ESR1: variants seen among roughly 807,000 people sequenced by gnomAD.
The protein encoded by ESR1 is estrogen receptor.
In ESR1, 12 loss-of-function variants were observed where a neutral mutation model predicts 52.7. That is an observed-to-expected ratio of 0.23 (90% CI 0.15 to 0.37). ESR1 has a LOEUF of 0.37. Ranked by LOEUF, ESR1 falls within the 10% of genes least tolerant of loss-of-function variation. The pLI is 1.00. For missense variants in ESR1, 584 were observed against 779.7 expected, an observed-to-expected ratio of 0.75 and a Z score of 2.99; for synonymous variants, 305 against 316.8, an observed-to-expected ratio of 0.96 and a Z score of 0.39.
intron 4 of ESR1, among the ~76,000 whole-genome samples, chr6:151,951,243 A>G (rs972252051): frequency 1.1e-4 from 16 of 151,970 alleles, no homozygotes; most frequent in Non-Finnish European, 1.9e-4. Flanking sequence ...TGGGGCTCCA[A>G]TGTCGTTTTC....
intron 3 of ESR1, among the ~76,000 whole-genome samples, chr6:151,910,020 A>G (rs1483684673): frequency 1.3e-5 from 2 of 151,926 alleles, no homozygotes; most frequent in Non-Finnish European, 2.9e-5. Flanking sequence ...CATTATTGAA[A>G]AACTAGGCAG....
rs2050885471 is a variant in ESR1, at chr6:152,099,494, A to G, written c.*528A>G. Reference sequence around the variant, plus strand: ...ATGCATCCTTTTATGAAAGTGGTACACCTTAAAGCTTTTATATGACTGTAG... The same window carrying G: ...ATGCATCCTTTTATGAAAGTGGTACGCCTTAAAGCTTTTATATGACTGTAG... On this transcript the variant is annotated 3_prime_UTR_variant, in exon 8 of 8. Transcript: ENST00000206249. 1 of 264,928 alleles carries G rather than the reference A, an allele frequency of 3.8e-6. No homozygotes were observed. Among genetic ancestry groups the G allele is most frequent in the South Asian group, 1.1e-4 (1 of 8,982 alleles). The allele number at this position is 264,928 out of a possible 1,614,324, so 16.4% of individuals were successfully genotyped here. A position where few individuals can be genotyped will look rare whatever the true frequency, so the allele number is the denominator to read the frequency against.
At chr6:151,906,855 T>C (rs71575914) in intron 3 of ESR1, among the ~76,000 whole-genome samples, 5,342 of 151,712 alleles carry the variant, frequency 0.035, 126 homozygotes, top group South Asian at 0.059. Flanking sequence ...TATTTGTCTA[T>C]ATTCTGTTAA....
intron 4 of ESR1, among the ~76,000 whole-genome samples, chr6:151,988,081 G>C (rs1211974805): frequency 6.6e-6 from 1 of 152,028 alleles, no homozygotes; most frequent in Non-Finnish European, 1.5e-5. Flanking sequence ...ACCAGTGTGG[G>C]GGCTGGAAGG....
chr6:151,945,353 G>T (rs1409859502), intron 4 of ESR1, among the ~76,000 whole-genome samples: 2 of 152,182 alleles, frequency 1.3e-5, no homozygotes, highest in Non-Finnish European at 2.9e-5. Flanking sequence ...AAAGAGAAAG[G>T]CAATGGAAAA....
intron 4 of ESR1, among the ~76,000 whole-genome samples, chr6:151,997,061 A>T (rs956558322): frequency 1.3e-5 from 2 of 151,174 alleles, no homozygotes; most frequent in African/African-American, 4.9e-5. Flanking sequence ...TAGACTTCCT[A>T]GTCCTGGCCA....
At chr6:151,910,843 G>A (rs776466834) in intron 3 of ESR1, among the ~76,000 whole-genome samples, 22 of 152,014 alleles carry the variant, frequency 1.4e-4, no homozygotes, top group Non-Finnish European at 7.4e-5. Flanking sequence ...TTAATGCAGC[G>A]GTCCCCAAAC....
At chr6:151,833,143 G>A (rs964951931) in intron 1 of ESR1, among the ~76,000 whole-genome samples, 3 of 152,148 alleles carry the variant, frequency 2.0e-5, no homozygotes, top group Admixed American at 2.0e-4. Flanking sequence ...GGCTAGAGGT[G>A]TACTAACTTG....
intron 6 of ESR1, among the ~76,000 whole-genome samples, chr6:152,093,191 G>T (rs2050326036): frequency 6.6e-6 from 1 of 151,328 alleles, no homozygotes; most frequent in Non-Finnish European, 1.5e-5. Context: ...GCAGAGAACT[G>T]TTTAAACCTG....
intron 3 of ESR1, among the ~76,000 whole-genome samples, chr6:151,907,660 T>C (rs1797660649): frequency 6.6e-6 from 1 of 152,140 alleles, no homozygotes; most frequent in African/African-American, 2.4e-5. Flanking sequence ...ATTTCCCGAA[T>C]TGTATGTTTT....
At chr6:152,024,434 T>G (rs982473338) in intron 5 of ESR1, among the ~76,000 whole-genome samples, 23 of 151,894 alleles carry the variant, frequency 1.5e-4, no homozygotes, top group African/African-American at 4.8e-4. Flanking sequence ...ATAATTTTAT[T>G]GAAATTATGT....
At chr6:151,835,088 G>A (rs1783096830) in intron 1 of ESR1, among the ~76,000 whole-genome samples, 1 of 152,156 alleles carries the variant, frequency 6.6e-6, no homozygotes, top group South Asian at 2.1e-4. Flanking sequence ...CTGAGAATGG[G>A]AGGATAAACA....
At chr6:151,888,207 T>A (rs1449942209) in intron 3 of ESR1, among the ~76,000 whole-genome samples, 1 of 152,192 alleles carries the variant, frequency 6.6e-6, no homozygotes, top group Non-Finnish European at 1.5e-5. Flanking sequence ...GTAAAAAATG[T>A]CATTGCAATT....
At chr6:152,073,492 T>C (rs545329318) in intron 6 of ESR1, among the ~76,000 whole-genome samples, 1 of 152,172 alleles carries the variant, frequency 6.6e-6, no homozygotes, top group Non-Finnish European at 1.5e-5. Flanking sequence ...TTGGTGAAAA[T>C]CCTTAATTAA....
At position 151,753,319 on chromosome 6, in the gene ESR1, ATT is replaced by A. The variant is rs34402963; in HGVS notation, c.-71+51331_-71+51332del. On this transcript the variant is annotated intron_variant, in intron 2 of 2. Transcript: ENST00000404742. ...TTCTCAAAATGGGTTATTTGATTGC[ATT>A]TTTTTTTTTTTTTTTTGAGACAAGG... Among the ~76,000 whole-genome samples the A allele has an allele frequency of 4.8e-3, 658 of 137,294 alleles. 3 individuals are homozygous for A. Among genetic ancestry groups the A allele is most frequent in the Admixed American group, 0.02 (279 of 13,906 alleles). The allele number at this position is 137,294 out of a possible 152,430, so 90.1% of individuals were successfully genotyped here.
At chr6:152,085,316 AC>A (rs2049613595) in intron 6 of ESR1, among the ~76,000 whole-genome samples, 2 of 128,112 alleles carry the variant, frequency 1.6e-5, no homozygotes, top group Admixed American at 7.1e-5. Flanking sequence ...TTCTAAAAAA[AC>A]AAAACAAAAC....
At chr6:152,029,424 A>G (rs2044469168) in intron 5 of ESR1, among the ~76,000 whole-genome samples, 1 of 152,214 alleles carries the variant, frequency 6.6e-6, no homozygotes, top group South Asian at 2.1e-4. Flanking sequence ...ACCTAGAATA[A>G]CCAATGCACA....
At chr6:151,686,407 T>C (rs1778675555), upstream of ESR1, among the ~76,000 whole-genome samples, 3 of 152,166 alleles carry the variant, frequency 2.0e-5, no homozygotes, top group East Asian at 3.9e-4. Flanking sequence ...CACCTGGGGC[T>C]GGACGCAGTG....
chr6:151,711,114 A>G (rs1341750237), intron 2 of ESR1, among the ~76,000 whole-genome samples: 1 of 152,184 alleles, frequency 6.6e-6, no homozygotes, highest in Non-Finnish European at 1.5e-5. Context: ...TAGATCCTTG[A>G]GAAATTGCCA....
Sources: allele counts gnomAD v4.1 joint callset (sites outside exome capture counted in the v4.1 genomes callset), GRCh38; gene constraint gnomAD v4.1.1; transcripts MANE v1.5; gene names NCBI Gene and HGNC (gene_info 2026-07-23, HGNC 2026-07-21).